RASGEF1C: variants seen among roughly 807,000 people sequenced by gnomAD.
RASGEF1C encodes RasGEF domain family member 1C, also known as ras-GEF domain-containing family member 1C.
In RASGEF1C, 27 loss-of-function variants were observed where a neutral mutation model predicts 58.1. The ratio of observed to expected loss-of-function variants is 0.46; its 90% CI spans 0.34 to 0.64. RASGEF1C has a LOEUF of 0.64. Ranked by LOEUF, RASGEF1C falls within the 30% of genes least tolerant of loss-of-function variation. RASGEF1C has a pLI of 0.01. For synonymous variants in RASGEF1C, 243 were observed against 246.3 expected (o/e 0.99, Z 0.13); for missense variants, 502 against 605.1 (o/e 0.83, Z 1.79).
rs999047654 is a variant in RASGEF1C at position 180,120,340 on chromosome 5, C to T, written c.804+720G>A. Among the ~76,000 whole-genome samples the T allele has an allele frequency of 5.9e-5, 9 of 152,328 alleles. No homozygotes were observed. The East Asian group carries it at 7.7e-4, about 13-fold the overall frequency. On this transcript the variant is annotated intron_variant, in intron 7 of 13. Transcript: ENST00000361132. ...AGGCCAACTCCTGTGTCCATCGCCA[C>T]GTCGCATGGGGCCGCCTCCTCTCTA...
rs1756315159 is a variant in RASGEF1C at position 180,198,231 on chromosome 5, C to G, written c.-7+10797G>C. 6.6e-6 allele frequency among the ~76,000 whole-genome samples: 1 copy of G among 152,220 alleles called. No individual in the cohort carries two copies. Among genetic ancestry groups the G allele is most frequent in the Non-Finnish European group, 1.5e-5 (1 of 68,038 alleles). ...CCCAGCCCCAGACAGCGCCACCCAG[C>G]AGAAGAGGACCAGGACCCCTGCTAT... On this transcript the variant is annotated intron_variant, in intron 1 of 13. Coordinates refer to ENST00000361132, the MANE Select transcript of RASGEF1C (RefSeq NM_175062.4). This position sits in a 1 kb window ranked among gnomAD's most constrained non-coding sequence, Gnocchi z 4.5.
intron 12 of RASGEF1C, among the ~76,000 whole-genome samples, chr5:180,102,704 T>C (rs1765809413): frequency 6.6e-6 from 1 of 151,454 alleles, no homozygotes; most frequent in Admixed American, 6.6e-5. Context: ...AAAAATCACC[T>C]GGTATATTTG....
At chr5:180,170,305 G>A (rs916705829) in intron 1 of RASGEF1C, among the ~76,000 whole-genome samples, 2 of 152,208 alleles carry the variant, frequency 1.3e-5, no homozygotes, top group Non-Finnish European at 2.9e-5. Context: ...CTCCCATAGG[G>A]CCGCCAGCCA....
intron 1 of RASGEF1C, among the ~76,000 whole-genome samples, chr5:180,205,541 C>T (rs1756472513): frequency 6.6e-6 from 1 of 152,108 alleles, no homozygotes; most frequent in South Asian, 2.1e-4. Context: ...TTAATACGCT[C>T]TCCTTCCCCG....
intron 1 of RASGEF1C, among the ~76,000 whole-genome samples, chr5:180,161,886 G>C (rs766354343): frequency 6.6e-6 from 1 of 152,252 alleles, no homozygotes; most frequent in Non-Finnish European, 1.5e-5. Flanking sequence ...AGGTTCTCCT[G>C]TCTCTTCTCT....
chr5:180,101,573 C>T (rs756907275), intron 13 of RASGEF1C, 48 bp from the exon 14 acceptor site: 5 of 1,604,580 alleles, frequency 3.1e-6, no homozygotes, highest in Non-Finnish European at 4.3e-6. Context: ...GAGCTCCCCA[C>T]CCCAGTTAGA....
At chr5:180,174,618 CTGTGTGTGTG>C (rs71001081) in intron 1 of RASGEF1C, among the ~76,000 whole-genome samples, 32 of 12,626 alleles carry the variant, frequency 2.5e-3, no homozygotes, top group East Asian at 6.3e-3. Context: ...ATGTGTGTGT[CTGTGTGTGTG>C]TGTGTGTGTG....
intron 1 of RASGEF1C, among the ~76,000 whole-genome samples, chr5:180,202,783 A>G (rs929330398): frequency 3.3e-5 from 5 of 151,972 alleles, no homozygotes; most frequent in Admixed American, 6.5e-5. Context: ...GCTCACTGCA[A>G]GCTCCGCCTC....
At chr5:180,180,303 C>T (rs1205101338) in intron 1 of RASGEF1C, among the ~76,000 whole-genome samples, 1 of 152,190 alleles carries the variant, frequency 6.6e-6, no homozygotes, top group Non-Finnish European at 1.5e-5. Context: ...GAAAGGGTGG[C>T]CTGGCCGCTG....
intron 10 of RASGEF1C, chr5:180,115,337 T>C (rs1766048195): frequency 1.9e-5 from 8 of 426,258 alleles, no homozygotes; most frequent in South Asian, 1.3e-4. Context: ...CTGTCTTTCT[T>C]GATGCTAAGA....
At chr5:180,203,338 T>C (rs182652330) in intron 1 of RASGEF1C, among the ~76,000 whole-genome samples, 4 of 152,372 alleles carry the variant, frequency 2.6e-5, no homozygotes, top group African/African-American at 7.2e-5. Flanking sequence ...GCTGGCTTGA[T>C]AGAGTAAGCA....
intron 10 of RASGEF1C, 110 bp from the exon 11 acceptor site, chr5:180,114,651 C>A: frequency 9.9e-7 from 1 of 1,007,068 alleles, no homozygotes; most frequent in Non-Finnish European, 1.5e-6. Flanking sequence ...TCAGACCCGA[C>A]CCCAGGGTGC....
intron 1 of RASGEF1C, among the ~76,000 whole-genome samples, chr5:180,172,890 TTTG>T (rs1767135535): frequency 6.6e-6 from 1 of 152,180 alleles, no homozygotes; most frequent in Non-Finnish European, 1.5e-5. Context: ...CCTCCATGCC[TTTG>T]CCCATGCTCT....
intron 4 of RASGEF1C, among the ~76,000 whole-genome samples, chr5:180,134,919 T>C: frequency 6.9e-6 from 1 of 145,912 alleles, no homozygotes; most frequent in Non-Finnish European, 1.5e-5. Context: ...CACATCCACT[T>C]ACCCCATGCA....
At chr5:180,190,909 T>G (rs1401006508) in intron 1 of RASGEF1C, among the ~76,000 whole-genome samples, 1 of 152,146 alleles carries the variant, frequency 6.6e-6, no homozygotes, top group Non-Finnish European at 1.5e-5. Flanking sequence ...GGTGGAAAAT[T>G]TATAGATTAC....
At chr5:180,140,254 C>T (rs1022844609) in intron 1 of RASGEF1C, among the ~76,000 whole-genome samples, 10 of 152,178 alleles carry the variant, frequency 6.6e-5, no homozygotes, top group Non-Finnish European at 1.2e-4. Context: ...AGTGGTCCTC[C>T]GACCTCCAAT....
At position 180,116,584 on chromosome 5, in the gene RASGEF1C, C is replaced by T. The variant is rs190401667; in HGVS notation, c.1083+2025G>A. Reference sequence around the variant, plus strand: ...TACGCAGCTGTAAGCCGCCCGCCTACAGCACCAATGCACAGCATCCCAGCA... The same window carrying T: ...TACGCAGCTGTAAGCCGCCCGCCTATAGCACCAATGCACAGCATCCCAGCA... On this transcript the variant is annotated intron_variant, in intron 10 of 13. Coordinates refer to ENST00000361132, the MANE Select transcript of RASGEF1C (RefSeq NM_175062.4). 2.0e-3 allele frequency among the ~76,000 whole-genome samples: 302 copies of T among 152,376 alleles called. 1 individual carries two copies. Among genetic ancestry groups the T allele is most frequent in the African/African-American group, 6.9e-3 (288 of 41,584 alleles).
At chr5:180,169,373 T>C (rs1767067489) in intron 1 of RASGEF1C, among the ~76,000 whole-genome samples, 1 of 152,142 alleles carries the variant, frequency 6.6e-6, no homozygotes, top group Admixed American at 6.5e-5. Flanking sequence ...TTCCCTCTGT[T>C]TGGAACACAT....
intron 12 of RASGEF1C, among the ~76,000 whole-genome samples, chr5:180,107,536 A>G (rs1304448797): frequency 1.3e-5 from 2 of 152,106 alleles, no homozygotes; most frequent in African/African-American, 4.8e-5. Context: ...CATGATTCAG[A>G]GTGTTTTCCC....
Sources: gnomAD v4.1 joint callset for allele counts (sites outside exome capture counted in the v4.1 genomes callset) on GRCh38, gnomAD v4.1.1 for gene constraint, Gnocchi (gnomAD v3.1) non-coding constraint, MANE v1.5 for transcripts, NCBI Gene and HGNC (gene_info 2026-07-23, HGNC 2026-07-21) for gene names.